The following RGS7 variants were observed in gnomAD, a reference collection of about 807,000 sequenced individuals.
RGS7 encodes regulator of G-protein signaling 7.
Under a neutral mutation model 81.1 loss-of-function variants are expected in RGS7, and 27 were observed. The ratio of observed to expected loss-of-function variants is 0.33; its 90% CI spans 0.25 to 0.46. RGS7 has a LOEUF of 0.46. RGS7 is among the 20% of genes least tolerant of loss of function. RGS7 has a pLI of 1.00. For synonymous variants in RGS7, 208 were observed against 207.7 expected (o/e 1.00, Z -0.01); for missense variants, 396 against 607.4 (o/e 0.65, Z 3.66).
intron 2 of RGS7, among the ~76,000 whole-genome samples, chr1:241,334,421 A>G (rs1407853353): frequency 6.6e-6 from 1 of 152,082 alleles, no homozygotes; most frequent in Non-Finnish European, 1.5e-5. Context: ...AGATCATTCC[A>G]CAACATGGGA....
At chr1:240,980,782 C>T (rs1684796279) in intron 4 of RGS7, among the ~76,000 whole-genome samples, 1 of 152,078 alleles carries the variant, frequency 6.6e-6, no homozygotes, top group Admixed American at 6.5e-5. Flanking sequence ...TGGATTTTGT[C>T]TAGGGTGAAT....
intron 3 of RGS7, among the ~76,000 whole-genome samples, chr1:241,030,420 T>C (rs2060025438): frequency 7.7e-6 from 1 of 129,496 alleles, no homozygotes; most frequent in Admixed American, 7.9e-5. Flanking sequence ...CATATATTTA[T>C]AAAATATATA....
intron 3 of RGS7, among the ~76,000 whole-genome samples, chr1:241,065,641 G>A (rs75061217): frequency 0.026 from 3,887 of 152,230 alleles, 148 homozygotes; most frequent in African/African-American, 0.076. Flanking sequence ...AAATAAAAAA[G>A]TGTTTCTCCT....
chr1:241,206,222 A>C lies in RGS7; in HGVS notation c.79-107460T>G, dbSNP rs530177006. ...ACGATCCATTTGCCCCATGACTTAA[A>C]GAATGAACTTTTTTTTTTTTTTTTT... On this transcript the variant is annotated intron_variant, in intron 2 of 18. Coordinates refer to ENST00000440928, the MANE Select transcript of RGS7 (RefSeq NM_001364886.1). 1.3e-4 allele frequency among the ~76,000 whole-genome samples: 19 copies of C among 144,354 alleles called. No homozygotes were observed. In the East Asian group the frequency reaches 1.6e-3, roughly 12 times the overall value. The allele number at this position is 144,354 out of a possible 152,430, so 94.7% of individuals were successfully genotyped here. A position where few individuals can be genotyped will look rare whatever the true frequency, so the allele number is the denominator to read the frequency against.
chr1:241,071,571 T>G (rs2062445833), intron 3 of RGS7, among the ~76,000 whole-genome samples: 1 of 151,796 alleles, frequency 6.6e-6, no homozygotes, highest in Non-Finnish European at 1.5e-5. Context: ...TTTAGTCACT[T>G]TACTGTAAAA....
At chr1:241,018,235 G>A (rs773063971) in intron 3 of RGS7, among the ~76,000 whole-genome samples, 7 of 148,816 alleles carry the variant, frequency 4.7e-5, no homozygotes, top group South Asian at 2.1e-4. Flanking sequence ...TGCCCGCCTC[G>A]GCCTACCAAA....
intron 3 of RGS7, among the ~76,000 whole-genome samples, chr1:241,058,576 G>A (rs986625926): frequency 6.6e-6 from 1 of 152,102 alleles, no homozygotes; most frequent in Non-Finnish European, 1.5e-5. Context: ...TTGGGTACCC[G>A]CCACAGCTAA....
chr1:241,022,326 A>C (rs1026271561), intron 3 of RGS7, among the ~76,000 whole-genome samples: 4 of 152,226 alleles, frequency 2.6e-5, no homozygotes, highest in African/African-American at 7.2e-5. Context: ...AACGCAGTTT[A>C]GAGTTTAACT....
chr1:241,284,192 A>G (rs1234826330), intron 2 of RGS7, among the ~76,000 whole-genome samples: 1 of 152,064 alleles, frequency 6.6e-6, no homozygotes, highest in East Asian at 1.9e-4. Context: ...CCTCCATATA[A>G]GTGATTTTCA....
chr1:241,173,757 G>A (rs139048683), intron 2 of RGS7, among the ~76,000 whole-genome samples: 1 of 152,158 alleles, frequency 6.6e-6, no homozygotes, highest in East Asian at 1.9e-4. Flanking sequence ...CTCTAGCCTG[G>A]GCAAGGAGCA....
intron 3 of RGS7, among the ~76,000 whole-genome samples, chr1:241,059,747 A>G (rs751490175): frequency 2.7e-5 from 4 of 149,972 alleles, no homozygotes. Flanking sequence ...GTCCCACCAC[A>G]CGCAAAGCTC....
At chr1:240,930,453 C>A (rs904545433) in intron 6 of RGS7, among the ~76,000 whole-genome samples, 6 of 152,038 alleles carry the variant, frequency 3.9e-5, no homozygotes, top group African/African-American at 1.2e-4. Flanking sequence ...AAAACAATAA[C>A]CCCTTTAAGC....
rs370043176 is a variant in RGS7, at chr1:240,991,876, CAT to C, written c.176-8749_176-8748del. Among the ~76,000 whole-genome samples the C allele has an allele frequency of 7.2e-5, 11 of 152,280 alleles. No homozygotes were observed. In the East Asian group the frequency reaches 9.7e-4, roughly 13 times the overall value. ...TAGTGGATCATTCTTGCCCTCAACA[CAT>C]ATATTTTTTTCCAGCTACACACAGG... On this transcript the variant is annotated intron_variant, in intron 3 of 18. Transcript: ENST00000440928.
At chr1:241,198,631 G>T (rs113433045) in intron 2 of RGS7, among the ~76,000 whole-genome samples, 1 of 94,188 alleles carries the variant, frequency 1.1e-5, no homozygotes, top group African/African-American at 9.3e-5. Context: ...ACAAGAAAAC[G>T]TATCATTTCT....
At chr1:240,878,799 A>G (rs1384998310) in intron 6 of RGS7, among the ~76,000 whole-genome samples, 2 of 152,082 alleles carry the variant, frequency 1.3e-5, no homozygotes, top group Non-Finnish European at 1.5e-5. Context: ...CATTACTGAG[A>G]TTTACCCAGG....
chr1:240,934,876 CTTTTTTTTTTTTTTTT>C (rs555195177), intron 5 of RGS7, among the ~76,000 whole-genome samples: 1 of 67,154 alleles, frequency 1.5e-5, no homozygotes, highest in African/African-American at 6.2e-5. Flanking sequence ...CTTCACATGG[CTTTTTTTTTTTTTTTT>C]TTTTTTTTTT....
intron 3 of RGS7, among the ~76,000 whole-genome samples, chr1:241,060,471 C>A (rs1055129663): frequency 1.3e-5 from 2 of 151,722 alleles, no homozygotes; most frequent in Non-Finnish European, 2.9e-5. Flanking sequence ...TTTTTTTTCT[C>A]CCCCCAACTT....
intron 3 of RGS7, among the ~76,000 whole-genome samples, chr1:241,024,502 G>C (rs527361936): frequency 6.6e-6 from 1 of 152,160 alleles, no homozygotes; most frequent in Non-Finnish European, 1.5e-5. Flanking sequence ...GAAGGATGAT[G>C]AGCTAGTATA....
intron 2 of RGS7, among the ~76,000 whole-genome samples, chr1:241,352,274 T>C (rs1457386665): frequency 1.3e-5 from 2 of 152,216 alleles, no homozygotes; most frequent in East Asian, 1.9e-4. Flanking sequence ...GGGTCTCTTC[T>C]TCCTAAGGCA....
Sources: gnomAD v4.1 joint callset for allele counts (sites outside exome capture counted in the v4.1 genomes callset) on GRCh38, gnomAD v4.1.1 for gene constraint, MANE v1.5 for transcripts, NCBI Gene and HGNC (gene_info 2026-07-23, HGNC 2026-07-21) for gene names.